MOCOS: variants seen among roughly 807,000 people sequenced by gnomAD.
MOCOS encodes the protein molybdenum cofactor sulfurase.
A neutral mutation model predicts 83.6 loss-of-function variants in MOCOS; 86 were observed. The observed-to-expected ratio is 1.03, with a 90% CI of 0.86 to 1.23. The LOEUF is 1.23. Ranked by LOEUF, MOCOS falls within the 50% of genes most tolerant of loss-of-function variation. The pLI is 0.00. For missense variants in MOCOS, 1,120 were observed against 1,126.9 expected, an observed-to-expected ratio of 0.99 and a Z score of 0.09; for synonymous variants, 445 against 434.7, an observed-to-expected ratio of 1.02 and a Z score of -0.29.
chr18:36,264,374 G>A lies in MOCOS; in HGVS notation c.2410-2375G>A, dbSNP rs151142423. ...CCTGGCATCCTTTCTGCAGGAGCTG[G>A]CCCCATGCATCAGCTGTTTTCTAGG... On this transcript the variant is annotated intron_variant, in intron 13 of 14. Transcript: ENST00000261326. 7.6e-3 allele frequency among the ~76,000 whole-genome samples: 1,160 copies of A among 152,198 alleles called. 19 individuals carry two copies. The highest frequency in any genetic ancestry group is 0.027 in the African/African-American group (1,116 of 41,502).
chr18:36,210,208 A>T (rs1434586482), intron 6 of MOCOS, among the ~76,000 whole-genome samples: 5 of 152,216 alleles, frequency 3.3e-5, no homozygotes, highest in African/African-American at 1.2e-4. Flanking sequence ...TCCCAAACAA[A>T]ATTCATTTCC....
At chr18:36,220,269 A>G (rs937627667) in intron 9 of MOCOS, 52 bp downstream of exon 9, 8 of 1,602,708 alleles carry the variant, frequency 5.0e-6, no homozygotes, top group Non-Finnish European at 6.8e-6. Context: ...CAGCTTTTAT[A>G]TTCATATGAA....
At position 36,226,523 on chromosome 18, in the gene MOCOS, A is replaced by G. The variant is rs183567047; in HGVS notation, c.1960+6306A>G. Among the ~76,000 whole-genome samples the G allele has an allele frequency of 2.2e-4, 34 of 151,978 alleles. No homozygotes were observed. In the East Asian group the frequency reaches 5.6e-3, roughly 25 times the overall value. ...TCTAAGTCTTTTGATTGGAGAGTTTAATCAAATATATTTAGAGTAATTATT... is the reference window on the plus strand; with the variant it reads ...TCTAAGTCTTTTGATTGGAGAGTTTGATCAAATATATTTAGAGTAATTATT... On this transcript the variant is annotated intron_variant, in intron 9 of 14. Transcript: ENST00000261326.
chr18:36,218,063 C>T (rs1170786171), intron 8 of MOCOS, among the ~76,000 whole-genome samples: 3 of 152,162 alleles, frequency 2.0e-5, no homozygotes, highest in Non-Finnish European at 4.4e-5. Context: ...GGCGACAAGG[C>T]TTGGCATCTG....
chr18:36,252,943 AT>A (rs1319890561), intron 11 of MOCOS, among the ~76,000 whole-genome samples: 1 of 152,138 alleles, frequency 6.6e-6, no homozygotes, highest in Non-Finnish European at 1.5e-5. Flanking sequence ...AGGGGAATAG[AT>A]TTATACTCAT....
intron 6 of MOCOS, among the ~76,000 whole-genome samples, chr18:36,211,691 T>G (rs2091456070): frequency 6.6e-6 from 1 of 152,072 alleles, no homozygotes; most frequent in African/African-American, 2.4e-5. Flanking sequence ...AAGAGACTGA[T>G]GCATAAAAGG....
rs1315604270 is a variant in MOCOS at position 36,215,841 on chromosome 18, C to T, written c.1661C>T (p.Ala554Val). Residue 554 changes from alanine (A) to valine (V), a missense_variant, in exon 8 of 15, where the codon GCC becomes GTC. Coordinates refer to ENST00000261326, the MANE Select transcript of MOCOS (RefSeq NM_017947.4). ...NSSTVNAVPV[A>V]PPVCDVARTQ... is the part of the protein sequence containing the mutation. ...TCTACTGTGAATGCTGTGCCTGTGG[C>T]CCCACCTGTGTGTGATGTCGCCAGA... The T allele has an allele frequency of 2.5e-6, 4 of 1,614,218 alleles. No individual in the cohort carries two copies. Among genetic ancestry groups the T allele is most frequent in the Non-Finnish European group, 3.4e-6 (4 of 1,180,042 alleles).
chr18:36,254,113 T>C (rs1325883924), intron 11 of MOCOS, among the ~76,000 whole-genome samples: 2 of 152,134 alleles, frequency 1.3e-5, no homozygotes, highest in Non-Finnish European at 2.9e-5. Context: ...GAGTGTCAGC[T>C]TGTGACTGTT....
At chr18:36,229,005 T>G (rs2091528268) in intron 9 of MOCOS, among the ~76,000 whole-genome samples, 1 of 152,206 alleles carries the variant, frequency 6.6e-6, no homozygotes, top group South Asian at 2.1e-4. Flanking sequence ...TCTTTAATAC[T>G]TTTGTCTTTT....
chr18:36,246,584 G>A (rs1226013001), intron 9 of MOCOS, among the ~76,000 whole-genome samples: 3 of 152,198 alleles, frequency 2.0e-5, no homozygotes, highest in African/African-American at 7.2e-5. Context: ...GTTTTAGTGT[G>A]CTGGTTTTAG....
Position 36,191,751 on chromosome 18 carries a change from C to T in MOCOS, c.143-3506C>T, listed in dbSNP as rs146914118. On this transcript the variant is annotated intron_variant, in intron 1 of 14. Transcript: ENST00000261326. ...GTCCAGTACACTTAAAATACGTGTGCACACACACACACACACACATGTGAG... is the reference window on the plus strand; with the variant it reads ...GTCCAGTACACTTAAAATACGTGTGTACACACACACACACACACATGTGAG... 8.4e-3 allele frequency among the ~76,000 whole-genome samples: 8 copies of T among 958 alleles called. No individual in the cohort carries two copies. The South Asian group carries it at 0.27, about 32-fold the overall frequency. 0.6% of individuals were successfully genotyped at this position (958 alleles called of 152,430 possible).
intron 1 of MOCOS, among the ~76,000 whole-genome samples, chr18:36,188,560 A>G (rs561857835): frequency 6.6e-6 from 1 of 152,280 alleles, no homozygotes. Context: ...TGTGCAGGTG[A>G]AGTGGGCACG....
At chr18:36,261,367 A>G (rs570904691) in intron 13 of MOCOS, among the ~76,000 whole-genome samples, 1 of 139,044 alleles carries the variant, frequency 7.2e-6, no homozygotes, top group South Asian at 2.1e-4. Flanking sequence ...TAATGTAAAT[A>G]TTCCAAAATT....
chr18:36,188,241 C>G (rs2091350129), intron 1 of MOCOS, among the ~76,000 whole-genome samples: 1 of 152,260 alleles, frequency 6.6e-6, no homozygotes, highest in African/African-American at 2.4e-5. Context: ...ACCTCATTTT[C>G]CTTACTCTTA....
chr18:36,212,642 C>A (rs1426948156), intron 6 of MOCOS, among the ~76,000 whole-genome samples: 1 of 152,186 alleles, frequency 6.6e-6, no homozygotes, highest in African/African-American at 2.4e-5. Context: ...GTGAAGACTG[C>A]CGTGGTCTTG....
intron 1 of MOCOS, among the ~76,000 whole-genome samples, chr18:36,188,322 C>A (rs1432897464): frequency 6.6e-6 from 1 of 152,258 alleles, no homozygotes; most frequent in East Asian, 1.9e-4. Context: ...AGTGCAATTT[C>A]ACCTTTAAGA....
Position 36,220,342 on chromosome 18 carries a change from C to CA in MOCOS, c.1960+141dup, listed in dbSNP as rs200612707. Reference sequence around the variant, plus strand: ...GCAATACAGTGAGACCTCATCTCTACAAAAAAAAAAAAAAAATTATCCTGG... The same window carrying CA: ...GCAATACAGTGAGACCTCATCTCTACAAAAAAAAAAAAAAAAATTATCCTGG... On this transcript the variant is annotated intron_variant, in intron 9 of 14. Coordinates refer to ENST00000261326, the MANE Select transcript of MOCOS (RefSeq NM_017947.4). 0.13 allele frequency: 105,477 copies of CA among 816,618 alleles called. 28 individuals carry two copies. Among genetic ancestry groups the CA allele is most frequent in the Non-Finnish European group, 0.14 (79,891 of 579,782 alleles). 50.6% of individuals were successfully genotyped at this position (816,618 alleles called of 1,614,324 possible). A position where few individuals can be genotyped will look rare whatever the true frequency, so the allele number is the denominator to read the frequency against.
intron 9 of MOCOS, among the ~76,000 whole-genome samples, chr18:36,247,458 A>G (rs1027341164): frequency 3.9e-5 from 6 of 151,960 alleles, no homozygotes; most frequent in African/African-American, 1.5e-4. Flanking sequence ...AGCTTCCTTC[A>G]CCCTGTGGCC....
intron 9 of MOCOS, among the ~76,000 whole-genome samples, chr18:36,242,186 C>T (rs1457891156): frequency 6.6e-6 from 1 of 152,182 alleles, no homozygotes; most frequent in Non-Finnish European, 1.5e-5. Flanking sequence ...CTACCCTCCC[C>T]TTTTAAATAT....
Sources: allele counts gnomAD v4.1 joint callset (sites outside exome capture counted in the v4.1 genomes callset), GRCh38; gene constraint gnomAD v4.1.1; transcripts MANE v1.5; gene names NCBI Gene and HGNC (gene_info 2026-07-23, HGNC 2026-07-21).